Variants in MYO10 observed in about 807,000 individuals in gnomAD.
MYO10 encodes the protein unconventional myosin-X.
A neutral mutation model predicts 257.3 loss-of-function variants in MYO10; 133 were observed. The ratio of observed to expected loss-of-function variants is 0.52; its 90% CI spans 0.45 to 0.60. MYO10 has a LOEUF of 0.60. MYO10 is among the 20% of genes least tolerant of loss of function. The probability of loss-of-function intolerance (pLI) is 0.00; values close to 1 mark genes in which losing one functional copy is unlikely to be tolerated. For synonymous variants in MYO10, 1,104 were observed against 1,028.6 expected, an observed-to-expected ratio of 1.07 and a Z score of -1.40; for missense variants, 2,399 against 2,635.7, an observed-to-expected ratio of 0.91 and a Z score of 1.97.
chr5:16,891,310 G>A lies in MYO10; in HGVS notation c.22-13603C>T, dbSNP rs1276205553. ...ACTCCGTCTTGAAAGAGAGAGAAAA[G>A]GAGAAGAGAAAAGGAAGGAAGGAAG... On this transcript the variant is annotated intron_variant, in intron 1 of 40. Coordinates refer to ENST00000513610, the MANE Select transcript of MYO10 (RefSeq NM_012334.3). 2.5e-4 allele frequency among the ~76,000 whole-genome samples: 18 copies of A among 71,260 alleles called. No individual in the cohort carries two copies. The Admixed American group carries it at 2.8e-3, about 11-fold the overall frequency. The allele number at this position is 71,260 out of a possible 152,430, so 46.7% of individuals were successfully genotyped here. A position where few individuals can be genotyped will look rare whatever the true frequency, so the allele number is the denominator to read the frequency against.
intron 19 of MYO10, among the ~76,000 whole-genome samples, chr5:16,751,167 C>A (rs1340599201): frequency 1.3e-5 from 2 of 152,096 alleles, no homozygotes; most frequent in African/African-American, 4.8e-5. Flanking sequence ...CCGTCTCATC[C>A]CTCCACGCTG....
At chr5:16,734,483 C>T (rs774421424) in intron 19 of MYO10, among the ~76,000 whole-genome samples, 3 of 152,276 alleles carry the variant, frequency 2.0e-5, no homozygotes, top group African/African-American at 7.2e-5. Context: ...GAGAGCCACA[C>T]AGTGAACACC....
Position 16,822,863 on chromosome 5 carries a change from A to G in MYO10, c.121-4696T>C, listed in dbSNP as rs991891985. ...CAACCACGCCCGGCTAATTTTTTGT[A>G]TTTTTAGTAGAGACGGGGTTTCACT... On this transcript the variant is annotated intron_variant, in intron 2 of 40. Coordinates refer to ENST00000513610, the MANE Select transcript of MYO10 (RefSeq NM_012334.3). 4.0e-4 allele frequency among the ~76,000 whole-genome samples: 61 copies of G among 151,526 alleles called. 1 individual carries two copies. Among genetic ancestry groups the G allele is most frequent in the African/African-American group, 1.5e-3 (61 of 41,402 alleles).
At chr5:16,785,371 G>A (rs952611036) in intron 4 of MYO10, among the ~76,000 whole-genome samples, 1 of 152,186 alleles carries the variant, frequency 6.6e-6, no homozygotes, top group Non-Finnish European at 1.5e-5. Context: ...CAGTTTCAAG[G>A]AACGATTTAA....
intron 19 of MYO10, among the ~76,000 whole-genome samples, chr5:16,751,714 G>A (rs1410764987): frequency 2.7e-5 from 4 of 148,374 alleles, no homozygotes; most frequent in African/African-American, 5.0e-5. Context: ...CTCCAATTCC[G>A]CCCATCTTGG....
chr5:16,850,530 C>T (rs529374549), intron 2 of MYO10, among the ~76,000 whole-genome samples: 1 of 152,172 alleles, frequency 6.6e-6, no homozygotes, highest in East Asian at 1.9e-4. Context: ...GCTGCCTCGG[C>T]CTCCCAAAGT....
chr5:16,721,836 A>T, intron 19 of MYO10, among the ~76,000 whole-genome samples: 1 of 152,166 alleles, frequency 6.6e-6, no homozygotes, highest in South Asian at 2.1e-4. Context: ...ATACATGTCA[A>T]TCTTTCTAAG....
Position 16,780,749 on chromosome 5 carries a change from T to G in MYO10, c.728-8A>C. 2 of 1,571,930 alleles carry G rather than the reference T, an allele frequency of 1.3e-6. No homozygotes were observed. Among genetic ancestry groups the G allele is most frequent in the Non-Finnish European group, 1.7e-6 (2 of 1,157,112 alleles). ...TTACTTTTTCTAATAAATCTTCATG[T>G]GAAAAGCAATGGCAAGTCAAGGAAA... On this transcript the variant is annotated splice_polypyrimidine_tract_variant and splice_region_variant and intron_variant, in intron 6 of 40. Transcript: ENST00000513610.
chr5:16,774,328 G>GA (rs1741149674), intron 9 of MYO10, among the ~76,000 whole-genome samples: 1 of 152,204 alleles, frequency 6.6e-6, no homozygotes, highest in Admixed American at 6.5e-5. Context: ...TGGTGTGTCT[G>GA]AAAGGGTGAC....
rs961812285 is a variant in MYO10, at chr5:16,902,525, G to A, written c.22-24818C>T. 176 of 1,580,736 alleles carry A rather than the reference G, an allele frequency of 1.1e-4. 4 individuals are homozygous for A. The South Asian group carries it at 1.6e-3, about 15-fold the overall frequency. On this transcript the variant is annotated intron_variant, in intron 1 of 40. Coordinates refer to ENST00000513610, the MANE Select transcript of MYO10 (RefSeq NM_012334.3). Reference sequence around the variant, plus strand: ...CGGCCTCCACTATGTTTCGAATGACGAATTTCTTGATGGCCTTGTCCTTGG... The same window carrying A: ...CGGCCTCCACTATGTTTCGAATGACAAATTTCTTGATGGCCTTGTCCTTGG...
At chr5:16,668,217 T>C in intron 40 of MYO10, 60 bp downstream of exon 40, 1 of 1,492,660 alleles carries the variant, frequency 6.7e-7, no homozygotes, top group Non-Finnish European at 9.0e-7. Flanking sequence ...GGAAATGGGG[T>C]CCTGTTTTTC....
intron 1 of MYO10, among the ~76,000 whole-genome samples, chr5:16,885,889 TAGC>T (rs1205078702): frequency 1.3e-5 from 2 of 152,084 alleles, no homozygotes; most frequent in African/African-American, 4.8e-5. Context: ...CCTGAAGTGG[TAGC>T]AGCCAGTCCC....
chr5:16,910,922 G>T (rs1745640776), intron 1 of MYO10, among the ~76,000 whole-genome samples: 1 of 152,006 alleles, frequency 6.6e-6, no homozygotes, highest in South Asian at 2.1e-4. Context: ...ATCTTAGTAT[G>T]ACATCTAGTC....
chr5:16,748,490 G>GCCCCCCCCCCCCCCCCC (rs376012902), intron 19 of MYO10, among the ~76,000 whole-genome samples: 2 of 147,714 alleles, frequency 1.4e-5, no homozygotes, highest in African/African-American at 5.0e-5. Flanking sequence ...AGTGATCCGC[G>GCCCCCCCCCCCCCCCCC]CCCCCCCGCC....
At chr5:16,778,748 T>C (rs1741309291) in intron 9 of MYO10, among the ~76,000 whole-genome samples, 1 of 146,582 alleles carries the variant, frequency 6.8e-6, no homozygotes, top group Non-Finnish European at 1.5e-5. Flanking sequence ...TGGAGTGCAG[T>C]TGCGCGATCT....
chr5:16,860,315 G>T (rs1450870826), intron 2 of MYO10, among the ~76,000 whole-genome samples: 1 of 152,192 alleles, frequency 6.6e-6, no homozygotes, highest in Admixed American at 6.5e-5. Flanking sequence ...TAAGTGGAAA[G>T]TTTGGGGTAG....
chr5:16,802,655 T>TAAAA (rs372258804), intron 3 of MYO10, among the ~76,000 whole-genome samples: 5 of 100,932 alleles, frequency 5.0e-5, no homozygotes, highest in Admixed American at 2.3e-4. Context: ...AGACTGTCTC[T>TAAAA]AAAAAAAAAA....
chr5:16,702,729 T>C, intron 23 of MYO10, 141 bp from the exon 24 acceptor site: 1 of 948,356 alleles, frequency 1.1e-6, no homozygotes, highest in Non-Finnish European at 1.6e-6. Context: ...ATGGATTTAT[T>C]CTGTATGAAT....
rs1740729757 is a variant in MYO10 at position 16,762,114 on chromosome 5, C to CT, written c.1588-2dup. On this transcript the variant is annotated splice_acceptor_variant, in intron 15 of 40. Coordinates refer to ENST00000513610, the MANE Select transcript of MYO10 (RefSeq NM_012334.3). LOFTEE classifies it high-confidence loss of function. Reference sequence around the variant, plus strand: ...TGGGCTTCACATAAAAGTGGTTATTCTAAAAAAAAAAAAAAAAAAAAAAAA... The same window carrying CT: ...TGGGCTTCACATAAAAGTGGTTATTCTTAAAAAAAAAAAAAAAAAAAAAAAA... The CT allele has an allele frequency of 4.1e-6, 1 of 241,376 alleles. No individual in the cohort carries two copies. 15.0% of individuals were successfully genotyped at this position (241,376 alleles called of 1,614,324 possible).
Sources: allele counts gnomAD v4.1 joint callset (sites outside exome capture counted in the v4.1 genomes callset), GRCh38; gene constraint gnomAD v4.1.1; transcripts MANE v1.5; gene names NCBI Gene and HGNC (gene_info 2026-07-23, HGNC 2026-07-21).